ARHGAP24: variants seen among roughly 807,000 people sequenced by gnomAD.
The protein encoded by ARHGAP24 is Rho GTPase activating protein 24.
A neutral mutation model predicts 76.4 loss-of-function variants in ARHGAP24; 50 were observed. The ratio of observed to expected loss-of-function variants is 0.65; its 90% confidence interval spans 0.52 to 0.83. The LOEUF (loss-of-function observed/expected upper bound fraction) is 0.83. ARHGAP24 is among the 40% of genes least tolerant of loss of function. ARHGAP24 has a pLI of 0.00. For synonymous variants in ARHGAP24, 345 were observed against 323.3 expected (o/e 1.07, Z -0.72); for missense variants, 930 against 914.2 (o/e 1.02, Z -0.22).
intron 3 of ARHGAP24, among the ~76,000 whole-genome samples, chr4:85,854,591 C>T (rs1203777835): frequency 1.3e-5 from 2 of 152,094 alleles, no homozygotes; most frequent in Admixed American, 1.3e-4. Context: ...TAAACCTATC[C>T]CTTTCTTGCT....
At chr4:85,675,259 A>C (rs543196325) in intron 2 of ARHGAP24, among the ~76,000 whole-genome samples, 1 of 152,308 alleles carries the variant, frequency 6.6e-6, no homozygotes, top group Admixed American at 6.5e-5. Context: ...TACTGTACAT[A>C]ATCAGGGTTT....
intron 2 of ARHGAP24, among the ~76,000 whole-genome samples, chr4:85,643,460 T>G (rs567315419): frequency 2.4e-5 from 3 of 125,838 alleles, no homozygotes; most frequent in African/African-American, 8.1e-5. Flanking sequence ...GGGTTTCACC[T>G]TGTTAGCCAG....
intron 2 of ARHGAP24, among the ~76,000 whole-genome samples, chr4:85,721,642 A>G (rs944950514): frequency 5.9e-5 from 9 of 152,214 alleles, no homozygotes; most frequent in Non-Finnish European, 1.2e-4. Context: ...GGTGCTTAAG[A>G]TGAATCTAGC....
At chr4:85,689,342 C>G (rs1723544865) in intron 2 of ARHGAP24, among the ~76,000 whole-genome samples, 1 of 152,108 alleles carries the variant, frequency 6.6e-6, no homozygotes, top group Non-Finnish European at 1.5e-5. Flanking sequence ...ATTTGATGCT[C>G]AGCCTGGATG....
chr4:85,671,122 T>G (rs1359212747), intron 2 of ARHGAP24, among the ~76,000 whole-genome samples: 1 of 152,206 alleles, frequency 6.6e-6, no homozygotes, highest in African/African-American at 2.4e-5. Flanking sequence ...CACCTTGTAT[T>G]TTTTGCTTCA....
chr4:85,587,307 C>A (rs1362620457), intron 2 of ARHGAP24, among the ~76,000 whole-genome samples: 1 of 152,146 alleles, frequency 6.6e-6, no homozygotes, highest in Non-Finnish European at 1.5e-5. Context: ...GTCGCCATTA[C>A]AGTACTGTCT....
chr4:85,645,738 A>G (rs1560567320), intron 2 of ARHGAP24, among the ~76,000 whole-genome samples: 3 of 152,092 alleles, frequency 2.0e-5, no homozygotes, highest in Non-Finnish European at 4.4e-5. Context: ...ATGTTTTTCT[A>G]TAGTGTGCAT....
At chr4:85,870,955 T>C (rs559650222) in intron 3 of ARHGAP24, among the ~76,000 whole-genome samples, 1 of 152,312 alleles carries the variant, frequency 6.6e-6, no homozygotes, top group East Asian at 1.9e-4. Flanking sequence ...TACAATTGTA[T>C]TTCTGTTTGC....
At chr4:85,610,866 A>C (rs1226052167) in intron 2 of ARHGAP24, among the ~76,000 whole-genome samples, 4 of 152,170 alleles carry the variant, frequency 2.6e-5, no homozygotes, top group Admixed American at 2.6e-4. Context: ...TATTGAAGTA[A>C]GTTAGATCTG....
chr4:85,829,620 A>C (rs1223585076), intron 3 of ARHGAP24, among the ~76,000 whole-genome samples: 1 of 152,218 alleles, frequency 6.6e-6, no homozygotes, highest in Non-Finnish European at 1.5e-5. Flanking sequence ...GCATTTCTAT[A>C]TGGGAACCTG....
At chr4:85,954,036 G>C (rs910755537) in intron 5 of ARHGAP24, among the ~76,000 whole-genome samples, 10 of 152,148 alleles carry the variant, frequency 6.6e-5, no homozygotes. Flanking sequence ...CTAGGCTCTT[G>C]TTTTTGACAG....
intron 3 of ARHGAP24, among the ~76,000 whole-genome samples, chr4:85,786,850 G>A (rs909163358): frequency 4.6e-5 from 7 of 152,198 alleles, no homozygotes; most frequent in African/African-American, 1.7e-4. Context: ...TTTCAGCCCA[G>A]AGAAGTTTTC....
intron 2 of ARHGAP24, among the ~76,000 whole-genome samples, chr4:85,580,216 G>T (rs931486630): frequency 6.6e-6 from 1 of 151,812 alleles, no homozygotes; most frequent in Admixed American, 6.6e-5. Context: ...ATCTTTCCTT[G>T]TCTTTGAAGT....
At chr4:85,798,357 A>T (rs1728451198) in intron 3 of ARHGAP24, among the ~76,000 whole-genome samples, 1 of 152,212 alleles carries the variant, frequency 6.6e-6, no homozygotes, top group Non-Finnish European at 1.5e-5. Context: ...ATGGAGAACT[A>T]ATCTGTGAGT....
intron 3 of ARHGAP24, among the ~76,000 whole-genome samples, chr4:85,861,182 A>G (rs1257157600): frequency 6.6e-6 from 1 of 151,856 alleles, no homozygotes; most frequent in African/African-American, 2.4e-5. Flanking sequence ...TGAAACGACT[A>G]CTAACCTGCC....
intron 4 of ARHGAP24, among the ~76,000 whole-genome samples, chr4:85,935,031 C>A (rs529542536): frequency 5.3e-5 from 8 of 152,192 alleles, no homozygotes; most frequent in Non-Finnish European, 7.3e-5. Context: ...GTGTTACTAT[C>A]TATTCCCAGA....
intron 2 of ARHGAP24, among the ~76,000 whole-genome samples, chr4:85,598,464 T>G (rs1719913956): frequency 6.6e-6 from 1 of 152,070 alleles, no homozygotes; most frequent in Non-Finnish European, 1.5e-5. Flanking sequence ...ATCACAATAA[T>G]GATGTGTGGC....
intron 5 of ARHGAP24, among the ~76,000 whole-genome samples, chr4:85,970,597 C>G (rs1409464339): frequency 6.6e-6 from 1 of 152,016 alleles, no homozygotes; most frequent in Non-Finnish European, 1.5e-5. Context: ...GCTGAGAAGC[C>G]CATTGTCTCA....
At chr4:85,888,279 T>C (rs551941831) in intron 3 of ARHGAP24, among the ~76,000 whole-genome samples, 1 of 151,838 alleles carries the variant, frequency 6.6e-6, no homozygotes, top group African/African-American at 2.4e-5. Flanking sequence ...CGCACACTTG[T>C]AATCCGGCTA....
Sources: allele counts gnomAD v4.1 joint callset (sites outside exome capture counted in the v4.1 genomes callset), GRCh38; gene constraint gnomAD v4.1.1; transcripts MANE v1.5; gene names NCBI Gene and HGNC (gene_info 2026-07-23, HGNC 2026-07-21).